The following LRRC4C variants were observed in gnomAD, a reference collection of about 807,000 sequenced individuals.
LRRC4C encodes the protein leucine rich repeat containing 4C.
Under a neutral mutation model 33.6 loss-of-function variants are expected in LRRC4C, and 5 were observed. The observed-to-expected ratio is 0.15, with a 90% CI of 0.08 to 0.31. The LOEUF (loss-of-function observed/expected upper bound fraction) is 0.31. Among genes scored for constraint, LRRC4C ranks in the 10% least tolerant of loss-of-function variants. The probability of loss-of-function intolerance (pLI) is 1.00; values close to 1 mark genes in which losing one functional copy is unlikely to be tolerated. For missense variants in LRRC4C, 560 were observed against 796.7 expected (o/e 0.70, Z 3.58); for synonymous variants, 329 against 302.0 (o/e 1.09, Z -0.93).
chr11:40,153,984 G>T (rs1356771759), intron 5 of LRRC4C, among the ~76,000 whole-genome samples: 2 of 152,132 alleles, frequency 1.3e-5, no homozygotes, highest in Non-Finnish European at 2.9e-5. Flanking sequence ...ACTGTCATCA[G>T]ATTACCCAAA....
intron 3 of LRRC4C, among the ~76,000 whole-genome samples, chr11:40,519,094 G>A (rs748385915): frequency 2.0e-5 from 3 of 152,138 alleles, no homozygotes; most frequent in African/African-American, 7.2e-5. Context: ...CTGTTGGGGA[G>A]TGGGGAGCTA....
chr11:41,392,172 T>C (rs905205356), intron 1 of LRRC4C, among the ~76,000 whole-genome samples: 1 of 151,936 alleles, frequency 6.6e-6, no homozygotes, highest in African/African-American at 2.4e-5. Flanking sequence ...CTTTCATCTA[T>C]GACCCGATTG....
chr11:41,108,535 C>T (rs1941645703), intron 1 of LRRC4C, among the ~76,000 whole-genome samples: 1 of 152,092 alleles, frequency 6.6e-6, no homozygotes, highest in South Asian at 2.1e-4. Context: ...CCTATAACTA[C>T]TCTTTAAGAA....
intron 2 of LRRC4C, among the ~76,000 whole-genome samples, chr11:40,784,523 A>G (rs1335369766): frequency 6.6e-6 from 1 of 152,218 alleles, no homozygotes; most frequent in African/African-American, 2.4e-5. Flanking sequence ...AATGATAGTA[A>G]CATTTTTGAA....
At chr11:41,114,738 AG>A in intron 1 of LRRC4C, among the ~76,000 whole-genome samples, 1 of 152,248 alleles carries the variant, frequency 6.6e-6, no homozygotes, top group Non-Finnish European at 1.5e-5. Context: ...ATGACTAAGG[AG>A]TATTGAACAA....
intron 3 of LRRC4C, among the ~76,000 whole-genome samples, chr11:40,393,956 A>C (rs1590592188): frequency 6.6e-6 from 1 of 152,140 alleles, no homozygotes; most frequent in African/African-American, 2.4e-5. Flanking sequence ...AAAATGGATC[A>C]GTTTTTTTTA....
At chr11:40,664,555 G>A (rs1293732048) in intron 2 of LRRC4C, among the ~76,000 whole-genome samples, 1 of 147,224 alleles carries the variant, frequency 6.8e-6, no homozygotes, top group African/African-American at 2.5e-5. Context: ...AAAAAAAAAT[G>A]TGAGAACAAA....
chr11:40,316,368 G>A (rs1417861719), intron 4 of LRRC4C, among the ~76,000 whole-genome samples: 2 of 152,024 alleles, frequency 1.3e-5, no homozygotes, highest in Non-Finnish European at 2.9e-5. Flanking sequence ...AACCTGACAA[G>A]GCTGTTTGGA....
chr11:40,561,875 A>G (rs1198117202), intron 3 of LRRC4C, among the ~76,000 whole-genome samples: 2 of 152,210 alleles, frequency 1.3e-5, no homozygotes, highest in African/African-American at 2.4e-5. Context: ...ATAATCTTTA[A>G]TGGAGCCGAA....
intron 5 of LRRC4C, among the ~76,000 whole-genome samples, chr11:40,164,252 T>C (rs1031318731): frequency 6.6e-6 from 1 of 152,192 alleles, no homozygotes; most frequent in African/African-American, 2.4e-5. Context: ...ATGAATGAAT[T>C]TTTTAAATGT....
intron 6 of LRRC4C, among the ~76,000 whole-genome samples, chr11:40,137,171 T>G (rs1590481443): frequency 1.1e-5 from 1 of 95,192 alleles, no homozygotes; most frequent in Non-Finnish European, 2.0e-5. Context: ...CACGTGTGTG[T>G]GTGTGTGTGT....
chr11:41,253,770 G>A (rs1366520436), intron 1 of LRRC4C, among the ~76,000 whole-genome samples: 2 of 152,076 alleles, frequency 1.3e-5, no homozygotes, highest in Admixed American at 1.3e-4. Flanking sequence ...GCAAAAGTTA[G>A]TTTATGTTTG....
chr11:40,579,654 C>G (rs539678299), intron 3 of LRRC4C, among the ~76,000 whole-genome samples: 1 of 152,280 alleles, frequency 6.6e-6, no homozygotes, highest in Non-Finnish European at 1.5e-5. Context: ...CCCCTTTCAG[C>G]CCGTCTATAA....
chr11:40,761,202 G>T (rs1294091298), intron 2 of LRRC4C, among the ~76,000 whole-genome samples: 1 of 151,946 alleles, frequency 6.6e-6, no homozygotes, highest in Non-Finnish European at 1.5e-5. Context: ...TGAATTTTAG[G>T]CCTTGCCATT....
intron 1 of LRRC4C, among the ~76,000 whole-genome samples, chr11:41,347,243 T>TAGG (rs1951831999): frequency 6.6e-6 from 1 of 152,204 alleles, no homozygotes; most frequent in African/African-American, 2.4e-5. Flanking sequence ...CCTTTCATAA[T>TAGG]GAATAGATTT....
At chr11:40,636,218 A>G (rs957168596) in intron 3 of LRRC4C, among the ~76,000 whole-genome samples, 3 of 152,068 alleles carry the variant, frequency 2.0e-5, no homozygotes, top group Non-Finnish European at 4.4e-5. Context: ...CTGGACATCT[A>G]TCTCAGCGGC....
intron 3 of LRRC4C, among the ~76,000 whole-genome samples, chr11:40,579,757 CAA>C (rs1240455135): frequency 1.5e-5 from 2 of 136,060 alleles, no homozygotes; most frequent in African/African-American, 2.9e-5. Flanking sequence ...ACAACAACAA[CAA>C]AAAACAGTGT....
intron 3 of LRRC4C, among the ~76,000 whole-genome samples, chr11:40,626,269 A>G (rs536917306): frequency 1.1e-4 from 17 of 152,140 alleles, no homozygotes; most frequent in East Asian, 3.9e-4. Context: ...ACTCAAATCC[A>G]TCTTCTCAGG....
chr11:41,454,916 C>T (rs537441245), intron 1 of LRRC4C, among the ~76,000 whole-genome samples: 35 of 152,122 alleles, frequency 2.3e-4, no homozygotes, highest in African/African-American at 7.9e-4. Flanking sequence ...TAGAGAAGTC[C>T]AATTTTGTGT....
Sources: gnomAD v4.1 joint callset for allele counts (sites outside exome capture counted in the v4.1 genomes callset) on GRCh38, gnomAD v4.1.1 for gene constraint, MANE v1.5 for transcripts, NCBI Gene and HGNC (gene_info 2026-07-23, HGNC 2026-07-21) for gene names.